EIF4E3: variants seen among roughly 807,000 people sequenced by gnomAD.
EIF4E3 encodes eukaryotic translation initiation factor 4E type 3.
In EIF4E3, 26 loss-of-function variants were observed where a neutral mutation model predicts 31.7. That is an observed-to-expected ratio of 0.82 (90% CI 0.60 to 1.14). EIF4E3 has a LOEUF of 1.14. EIF4E3 is among the 50% of genes most tolerant of loss of function. The pLI is 0.00. For missense variants in EIF4E3, 304 were observed against 270.9 expected (o/e 1.12, Z -0.86); for synonymous variants, 128 against 107.7 (o/e 1.19, Z -1.17).
At chr3:71,697,156 C>T (rs2049151031) in intron 3 of EIF4E3, among the ~76,000 whole-genome samples, 1 of 152,168 alleles carries the variant, frequency 6.6e-6, no homozygotes, top group Non-Finnish European at 1.5e-5. Context: ...GCTGGGATTA[C>T]AGGCATGTGC....
chr3:71,666,163 T>C, the EIF4E3 span, among the ~76,000 whole-genome samples: 1 of 152,142 alleles, frequency 6.6e-6, no homozygotes, highest in Non-Finnish European at 1.5e-5. Context: ...AGGAGCTGGT[T>C]TTTTGAAAAG....
At chr3:71,705,328 C>A (rs1196797274) in intron 2 of EIF4E3, among the ~76,000 whole-genome samples, 1 of 152,178 alleles carries the variant, frequency 6.6e-6, no homozygotes, top group Non-Finnish European at 1.5e-5. Context: ...CTGCACAACT[C>A]CAGTCAGGCG....
At chr3:71,735,001 A>C (rs1023867951) in intron 1 of EIF4E3, among the ~76,000 whole-genome samples, 11 of 152,162 alleles carry the variant, frequency 7.2e-5, no homozygotes, top group African/African-American at 2.7e-4. Context: ...TGGAATTAAG[A>C]AACTGGGGCC....
upstream of EIF4E3, among the ~76,000 whole-genome samples, chr3:71,727,023 T>G (rs1344873816): frequency 2.6e-5 from 4 of 152,174 alleles, no homozygotes; most frequent in Non-Finnish European, 5.9e-5. Flanking sequence ...GGAACAGAGA[T>G]AAGATTAAGA....
At chr3:71,713,087 C>T (rs1295759362) in intron 1 of EIF4E3, among the ~76,000 whole-genome samples, 1 of 152,168 alleles carries the variant, frequency 6.6e-6, no homozygotes, top group African/African-American at 2.4e-5. Flanking sequence ...TAGTGTAACA[C>T]ACCAGTGTCA....
intron 1 of EIF4E3, among the ~76,000 whole-genome samples, chr3:71,720,317 T>A (rs1211502993): frequency 1.3e-5 from 2 of 151,920 alleles, no homozygotes; most frequent in Non-Finnish European, 2.9e-5. Flanking sequence ...AGCCTCAGCC[T>A]CCCAAGTAGC....
At position 71,678,231 on chromosome 3, in the gene EIF4E3, A is replaced by G. The variant is rs2048889371; in HGVS notation, c.*6451T>C. 6.6e-6 allele frequency: 1 copy of G among 152,220 alleles called. No homozygotes were observed. Among genetic ancestry groups the G allele is most frequent in the Non-Finnish European group, 1.5e-5 (1 of 68,036 alleles). The allele number at this position is 152,220 out of a possible 1,614,324, so 9.4% of individuals were successfully genotyped here. ...ATGAAATTTTTAAACTGGAGGATGA[A>G]AATGACATTTCTATACTATAAGAAC... On this transcript the variant is annotated 3_prime_UTR_variant, in exon 7 of 7. Transcript: ENST00000425534.
At position 71,738,978 on chromosome 3, in the gene EIF4E3, G is replaced by GTATATATATATATATATATATATATA. The variant is rs56982495; in HGVS notation, c.-290-10381_-290-10356dup. The stretch of plus-strand genomic sequence containing the variant: ...TTTCCAAATGCCTGAAAATTGAACA[G>GTATATATATATATATATATATATATA]TATATATATATATATATATATATAT... On this transcript the variant is annotated intron_variant, in intron 1 of 7. Transcript: ENST00000295612. Among the ~76,000 whole-genome samples, 178 of 95,728 alleles carry GTATATATATATATATATATATATATA rather than the reference G, an allele frequency of 1.9e-3. 7 individuals are homozygous for GTATATATATATATATATATATATATA. Among genetic ancestry groups the GTATATATATATATATATATATATATA allele is most frequent in the African/African-American group, 4.6e-3 (90 of 19,738 alleles). The allele number at this position is 95,728 out of a possible 152,430, so 62.8% of individuals were successfully genotyped here.
downstream of EIF4E3, among the ~76,000 whole-genome samples, chr3:71,672,514 T>C (rs1031658406): frequency 6.6e-6 from 1 of 152,154 alleles, no homozygotes; most frequent in African/African-American, 2.4e-5. Context: ...CTCTCAGATA[T>C]CCTTTTGTTA....
At chr3:71,740,066 C>T (rs1264185280) in intron 1 of EIF4E3, among the ~76,000 whole-genome samples, 4 of 151,710 alleles carry the variant, frequency 2.6e-5, no homozygotes, top group African/African-American at 9.7e-5. Flanking sequence ...CTAAATAAAG[C>T]ACTAAAATAA....
chr3:71,747,343 C>T (rs75972158), intron 1 of EIF4E3, among the ~76,000 whole-genome samples: 9,199 of 152,270 alleles, frequency 0.06, 435 homozygotes, highest in Non-Finnish European at 0.096. Flanking sequence ...GAAGTGGTAT[C>T]TCAGATGGTT....
rs2049615566 is a variant in EIF4E3, at chr3:71,725,257, C to G, written c.111G>C (p.Leu37=). The stretch of plus-strand genomic sequence containing the variant: ...CGCCCGGCTCAGGCTGCAGCGCCGA[C>G]AGCTGCTGCAGGCCGAGCGGCGGCT... ...APEPPLGLQQ[L]SALQPEPGGV... Residue 37 remains leucine, a synonymous_variant, in exon 1 of 7, where the codon CTG becomes CTC. Transcript: ENST00000425534. This position sits in a 1 kb window ranked among gnomAD's most constrained non-coding sequence, Gnocchi z 6.1. 1 of 1,068,232 alleles carries G rather than the reference C, an allele frequency of 9.4e-7. No individual in the cohort carries two copies. The highest frequency in any genetic ancestry group is 1.7e-5 in the African/African-American group (1 of 58,480). The allele number at this position is 1,068,232 out of a possible 1,614,324, so 66.2% of individuals were successfully genotyped here.
At chr3:71,693,965 A>G in intron 4 of EIF4E3, 24 bp from the exon 5 acceptor site, 1 of 1,530,276 alleles carries the variant, frequency 6.5e-7, no homozygotes, top group Non-Finnish European at 8.8e-7. Flanking sequence ...AGAATAAAAA[A>G]CAAAACAAAC....
chr3:71,671,446 C>A (rs1300636800), downstream of EIF4E3, among the ~76,000 whole-genome samples: 1 of 152,202 alleles, frequency 6.6e-6, no homozygotes, highest in Middle Eastern at 3.4e-3. Context: ...GGCTAACTCT[C>A]GGGGTATTGT....
chr3:71,692,397 A>G (rs1205494413), intron 5 of EIF4E3, among the ~76,000 whole-genome samples: 6 of 152,186 alleles, frequency 3.9e-5, no homozygotes, highest in Non-Finnish European at 7.3e-5. Context: ...AATACTGGCT[A>G]TTTATTACCA....
At chr3:71,732,586 C>A (rs1297905581) in intron 1 of EIF4E3, among the ~76,000 whole-genome samples, 1 of 152,200 alleles carries the variant, frequency 6.6e-6, no homozygotes, top group Non-Finnish European at 1.5e-5. Context: ...TCATGTGCAA[C>A]CCTGTAATAA....
At chr3:71,685,444 C>T (rs2048978812) in intron 6 of EIF4E3, among the ~76,000 whole-genome samples, 1 of 152,262 alleles carries the variant, frequency 6.6e-6, no homozygotes, top group South Asian at 2.1e-4. Flanking sequence ...ACTGCAACCT[C>T]CTCTGCCTCC....
upstream of EIF4E3, among the ~76,000 whole-genome samples, chr3:71,726,323 A>C (rs575398684): frequency 2.0e-3 from 309 of 152,282 alleles, 1 homozygote; most frequent in South Asian, 6.2e-3. Flanking sequence ...TGCTTCCTGT[A>C]CCTCTGAGCA....
At chr3:71,700,882 G>A (rs959318133) in intron 2 of EIF4E3, among the ~76,000 whole-genome samples, 6 of 152,168 alleles carry the variant, frequency 3.9e-5, no homozygotes, top group African/African-American at 1.4e-4. Flanking sequence ...CCAATAGGAT[G>A]GTGTTAGCAG....
Sources: gnomAD v4.1 joint callset for allele counts (sites outside exome capture counted in the v4.1 genomes callset) on GRCh38, gnomAD v4.1.1 for gene constraint, Gnocchi (gnomAD v3.1) non-coding constraint, MANE v1.5 for transcripts, NCBI Gene and HGNC (gene_info 2026-07-23, HGNC 2026-07-21) for gene names.